Variants in LPP observed in about 807,000 individuals in gnomAD.
LPP encodes LIM domain containing preferred translocation partner in lipoma.
A neutral mutation model predicts 60.4 loss-of-function variants in LPP; 38 were observed. The observed-to-expected ratio is 0.63, with a 90% CI of 0.49 to 0.83. The LOEUF (loss-of-function observed/expected upper bound fraction) is 0.83, where lower values mean the gene tolerates loss of function less well. LPP is among the 40% of genes least tolerant of loss of function. The pLI, the probability that LPP is intolerant of heterozygous loss-of-function variation, is 0.00. For missense variants in LPP, 902 were observed against 783.6 expected (o/e 1.15, Z -1.80); for synonymous variants, 328 against 290.8 (o/e 1.13, Z -1.30).
At position 188,324,343 on chromosome 3, in the gene LPP, C is replaced by T. The variant is rs571186399; in HGVS notation, c.-66-17320C>T. The stretch of plus-strand genomic sequence containing the variant: ...CCATCTATTATTACCATAAGTCCAA[C>T]GTTCATCACCTCCTGCTCCACTGTT... On this transcript the variant is annotated intron_variant, in intron 2 of 11. Transcript: ENST00000617246. Among the ~76,000 whole-genome samples the T allele has an allele frequency of 4.6e-5, 7 of 152,250 alleles. No homozygotes were observed. In the South Asian group the frequency reaches 6.2e-4, roughly 14 times the overall value.
intron 9 of LPP, among the ~76,000 whole-genome samples, chr3:188,767,471 T>G (rs1015425779): frequency 4.6e-5 from 7 of 152,194 alleles, no homozygotes; most frequent in African/African-American, 1.7e-4. Context: ...GCTTTTAGTC[T>G]TTGATAAATC....
intron 2 of LPP, among the ~76,000 whole-genome samples, chr3:188,278,426 C>T (rs6444276): frequency 0.73 from 110,527 of 152,158 alleles, 41,324 homozygotes; most frequent in African/African-American, 0.9. Flanking sequence ...CTCTTCCTCC[C>T]ATGGCACCTG....
intron 1 of LPP, among the ~76,000 whole-genome samples, chr3:188,192,881 G>A (rs1484495055): frequency 6.6e-6 from 1 of 152,176 alleles, no homozygotes; most frequent in African/African-American, 2.4e-5. Flanking sequence ...GCAGTGCTCC[G>A]GAAAGACGAG....
At chr3:188,499,917 C>T (rs983855563) in intron 5 of LPP, among the ~76,000 whole-genome samples, 2 of 151,930 alleles carry the variant, frequency 1.3e-5, no homozygotes, top group East Asian at 3.9e-4. Context: ...TTGAATTGTT[C>T]ATTGTTGATA....
At chr3:188,421,577 C>T (rs533759738) in intron 4 of LPP, among the ~76,000 whole-genome samples, 197 of 152,184 alleles carry the variant, frequency 1.3e-3, no homozygotes, top group Non-Finnish European at 2.0e-3. Flanking sequence ...TTTAGTGCTC[C>T]CCATAAGCTA....
chr3:188,253,398 AT>A (rs1485566110), intron 2 of LPP, among the ~76,000 whole-genome samples: 1 of 152,226 alleles, frequency 6.6e-6, no homozygotes, highest in African/African-American at 2.4e-5. Context: ...TAGATCTTTA[AT>A]TCATCTGCAG....
intron 8 of LPP, among the ~76,000 whole-genome samples, chr3:188,749,374 A>C (rs1568669): frequency 2.0e-5 from 3 of 152,060 alleles, no homozygotes; most frequent in Non-Finnish European, 4.4e-5. Flanking sequence ...CCTTTGTTAT[A>C]GAGTCTGTAA....
At chr3:188,717,790 A>T (rs1030015857) in intron 8 of LPP, among the ~76,000 whole-genome samples, 3 of 152,192 alleles carry the variant, frequency 2.0e-5, no homozygotes, top group African/African-American at 4.8e-5. Flanking sequence ...GCATACATTA[A>T]TTTTTTATTA....
At chr3:188,530,511 C>G (rs1821883448) in intron 6 of LPP, among the ~76,000 whole-genome samples, 2 of 152,112 alleles carry the variant, frequency 1.3e-5, no homozygotes, top group Admixed American at 1.3e-4. Flanking sequence ...GCTCACTTAG[C>G]CAAACTCTTA....
chr3:188,753,999 A>G (rs530091816), intron 8 of LPP, among the ~76,000 whole-genome samples: 1 of 152,358 alleles, frequency 6.6e-6, no homozygotes, highest in African/African-American at 2.4e-5. Flanking sequence ...GGCAATAACC[A>G]TAGGAGATTG....
At chr3:188,800,926 A>AAACAC (rs1747051483) in intron 9 of LPP, among the ~76,000 whole-genome samples, 1 of 152,128 alleles carries the variant, frequency 6.6e-6, no homozygotes, top group Non-Finnish European at 1.5e-5. Flanking sequence ...ATTGGTAGTT[A>AAACAC]TATGAGTTTT....
chr3:188,256,179 G>A (rs1731605075), intron 2 of LPP, among the ~76,000 whole-genome samples: 1 of 151,922 alleles, frequency 6.6e-6, no homozygotes, highest in Non-Finnish European at 1.5e-5. Context: ...ATAATGTATG[G>A]GTTAAATAAT....
At chr3:188,248,926 C>G (rs1728086241) in intron 2 of LPP, among the ~76,000 whole-genome samples, 1 of 152,148 alleles carries the variant, frequency 6.6e-6, no homozygotes, top group Admixed American at 6.5e-5. Flanking sequence ...TGAAATAACA[C>G]TCAGGTTGCA....
At chr3:188,346,965 CA>C (rs994879140) in intron 3 of LPP, among the ~76,000 whole-genome samples, 1 of 152,180 alleles carries the variant, frequency 6.6e-6, no homozygotes, top group African/African-American at 2.4e-5. Context: ...TATTCTACTT[CA>C]TTCATTCACT....
intron 7 of LPP, among the ~76,000 whole-genome samples, chr3:188,653,549 T>TA (rs1257463705): frequency 6.6e-6 from 1 of 152,130 alleles, no homozygotes; most frequent in Non-Finnish European, 1.5e-5. Context: ...CCATATATAA[T>TA]AGATGGTCCA....
At chr3:188,186,045 C>T (rs1029428582) in intron 1 of LPP, among the ~76,000 whole-genome samples, 1 of 152,184 alleles carries the variant, frequency 6.6e-6, no homozygotes, top group Non-Finnish European at 1.5e-5. Context: ...TTTCCTCATT[C>T]AGGGCACAGG....
At chr3:188,722,759 T>G (rs1716953328) in intron 8 of LPP, among the ~76,000 whole-genome samples, 1 of 152,222 alleles carries the variant, frequency 6.6e-6, no homozygotes, top group African/African-American at 2.4e-5. Context: ...CTATTTTATG[T>G]GCATATTGTG....
intron 2 of LPP, among the ~76,000 whole-genome samples, chr3:188,240,582 T>C (rs1577480997): frequency 6.6e-6 from 1 of 152,322 alleles, no homozygotes; most frequent in Admixed American, 6.5e-5. Flanking sequence ...CATTCCACTG[T>C]TATTGAGTAG....
intron 2 of LPP, among the ~76,000 whole-genome samples, chr3:188,272,307 T>C (rs964776567): frequency 1.3e-5 from 2 of 152,248 alleles, no homozygotes; most frequent in Non-Finnish European, 2.9e-5. Flanking sequence ...GTACTTGGTA[T>C]GCCCGGTGAC....
Sources: allele counts gnomAD v4.1 joint callset (sites outside exome capture counted in the v4.1 genomes callset), GRCh38; gene constraint gnomAD v4.1.1; transcripts MANE v1.5; gene names NCBI Gene and HGNC (gene_info 2026-07-23, HGNC 2026-07-21).